Variants in PRICKLE2 observed in about 807,000 individuals in gnomAD.
PRICKLE2 encodes the protein prickle planar cell polarity protein 2.
In PRICKLE2, 21 loss-of-function variants were observed where a neutral mutation model predicts 81.4. That is an observed-to-expected ratio of 0.26 (90% CI 0.18 to 0.37). The LOEUF (loss-of-function observed/expected upper bound fraction) is 0.37. PRICKLE2 is among the 10% of genes least tolerant of loss of function. The pLI is 1.00. For missense variants in PRICKLE2, 940 were observed against 1,109.0 expected, an observed-to-expected ratio of 0.85 and a Z score of 2.16; for synonymous variants, 456 against 421.5, an observed-to-expected ratio of 1.08 and a Z score of -1.00.
chr3:64,227,186 T>A (rs1448267883), upstream of PRICKLE2, among the ~76,000 whole-genome samples: 1 of 152,192 alleles, frequency 6.6e-6, no homozygotes, highest in African/African-American at 2.4e-5. Context: ...AACTTCTCAG[T>A]AAGAGAAATA....
chr3:64,169,976 G>A (rs1191050147), intron 2 of PRICKLE2, among the ~76,000 whole-genome samples: 1 of 152,154 alleles, frequency 6.6e-6, no homozygotes, highest in African/African-American at 2.4e-5. Context: ...TAGCATTACA[G>A]CTGTGAGTAA....
chr3:64,265,897 T>G (rs1459727220), intron 2 of PRICKLE2, among the ~76,000 whole-genome samples: 1 of 152,198 alleles, frequency 6.6e-6, no homozygotes, highest in Non-Finnish European at 1.5e-5. Flanking sequence ...GGAAGTGGGC[T>G]CGATAAAACT....
intron 7 of PRICKLE2, among the ~76,000 whole-genome samples, chr3:64,111,334 A>AT (rs1331946924): frequency 6.6e-6 from 1 of 152,248 alleles, no homozygotes; most frequent in African/African-American, 2.4e-5. Context: ...ATTGCTGGGC[A>AT]TTGTTATACA....
chr3:64,204,212 T>C (rs77672856), intron 1 of PRICKLE2, among the ~76,000 whole-genome samples: 3,481 of 152,084 alleles, frequency 0.023, 50 homozygotes, highest in Non-Finnish European at 0.034. Flanking sequence ...CAAGTGCTAC[T>C]GAAAACCAGA....
Position 64,198,775 on chromosome 3 carries a change from G to C in PRICKLE2, c.144+9C>G, listed in dbSNP as rs1251238710. ...CAAACCACCAGCATGCTCCCATCCAGAATGGTACCTGTTCAGGCTTCAGAC... is the reference window on the plus strand; with the variant it reads ...CAAACCACCAGCATGCTCCCATCCACAATGGTACCTGTTCAGGCTTCAGAC... On this transcript the variant is annotated intron_variant, in intron 2 of 7. Coordinates refer to ENST00000638394, the MANE Select transcript of PRICKLE2 (RefSeq NM_198859.4). 1 of 1,613,950 alleles carries C rather than the reference G, an allele frequency of 6.2e-7. No homozygotes were observed. The highest frequency in any genetic ancestry group is 1.7e-5 in the Admixed American group (1 of 60,014).
In PRICKLE2 at chr3:64,097,087, G is replaced by A. The variant is rs886058790; in HGVS notation, c.*1964C>T. The stretch of plus-strand genomic sequence containing the variant: ...AATAGAGTTAATTCTCCGGAGGCTC[G>A]GATAATTAATGAAGCATTTAGATAT... On this transcript the variant is annotated 3_prime_UTR_variant, in exon 8 of 8. Coordinates refer to ENST00000638394, the MANE Select transcript of PRICKLE2 (RefSeq NM_198859.4). 2 of 152,416 alleles carry A rather than the reference G, an allele frequency of 1.3e-5. No individual in the cohort carries two copies. The highest frequency in any genetic ancestry group is 2.4e-5 in the African/African-American group (1 of 41,358). The allele number at this position is 152,416 out of a possible 1,614,324, so 9.4% of individuals were successfully genotyped here. A position where few individuals can be genotyped will look rare whatever the true frequency, so the allele number is the denominator to read the frequency against.
chr3:64,267,448 G>C (rs899278660), intron 2 of PRICKLE2, among the ~76,000 whole-genome samples: 1 of 151,864 alleles, frequency 6.6e-6, no homozygotes, highest in Admixed American at 6.6e-5. Flanking sequence ...GAAGAAGTAA[G>C]TCATGTTTTA....
chr3:64,265,373 T>C (rs2079685183), intron 2 of PRICKLE2, among the ~76,000 whole-genome samples: 3 of 152,114 alleles, frequency 2.0e-5, no homozygotes. Context: ...CTAAAAAAAA[T>C]CATTCCCTCT....
intron 2 of PRICKLE2, among the ~76,000 whole-genome samples, chr3:64,196,908 G>A (rs900641043): frequency 2.0e-5 from 3 of 152,120 alleles, no homozygotes; most frequent in Non-Finnish European, 2.9e-5. Flanking sequence ...AAAATTTCAA[G>A]ACATAAACTT....
In PRICKLE2 at chr3:64,147,409, T is replaced by A; in HGVS notation, c.1081A>T (p.Ser361Cys). The change falls in exon 7 of 8, where the codon AGT (serine) becomes TGT (cysteine). Residue 361 changes from serine to cysteine, a missense_variant. Physicochemically the swap from Ser to Cys is moderately radical, Grantham distance 112 (BLOSUM62 -1). Coordinates refer to ENST00000638394, the MANE Select transcript of PRICKLE2 (RefSeq NM_198859.4). The surrounding 1 kb of genome is among the most constrained non-coding windows in gnomAD (Gnocchi z 5.0). ...ACGTCGGCTGACAGCCGGTTAGAACTCACTTGCAGCTGGCTGTGCTGGTTC... is the reference window on the plus strand; with the variant it reads ...ACGTCGGCTGACAGCCGGTTAGAACACACTTGCAGCTGGCTGTGCTGGTTC... ...MLNQHSQLQV[S>C]SNRLSADVDP... The A allele has an allele frequency of 6.2e-7, 1 of 1,614,250 alleles. No homozygotes were observed. The highest frequency in any genetic ancestry group is 1.1e-5 in the South Asian group (1 of 91,082).
intron 2 of PRICKLE2, chr3:64,267,786 C>A (rs2079733069): frequency 6.6e-6 from 1 of 152,230 alleles, no homozygotes; most frequent in Non-Finnish European, 1.5e-5. Context: ...GCATCTCTCC[C>A]AGAGCTTAGT....
chr3:64,121,066 G>A (rs1411079302), intron 7 of PRICKLE2, among the ~76,000 whole-genome samples: 3 of 152,148 alleles, frequency 2.0e-5, no homozygotes, highest in African/African-American at 4.8e-5. Flanking sequence ...CTGAGGCAAC[G>A]TGGGTTTGGC....
At chr3:64,129,240 T>C (rs1479283578) in intron 7 of PRICKLE2, among the ~76,000 whole-genome samples, 4 of 152,250 alleles carry the variant, frequency 2.6e-5, no homozygotes, top group African/African-American at 9.6e-5. Flanking sequence ...TAATCTGTGA[T>C]CCTGAACATG....
At chr3:64,143,623 T>C (rs1267397039) in intron 7 of PRICKLE2, among the ~76,000 whole-genome samples, 1 of 152,042 alleles carries the variant, frequency 6.6e-6, no homozygotes, top group African/African-American at 2.4e-5. Context: ...CCTCAGACAA[T>C]GGTGCACATC....
At chr3:64,122,537 T>C (rs1460087003) in intron 7 of PRICKLE2, among the ~76,000 whole-genome samples, 1 of 152,186 alleles carries the variant, frequency 6.6e-6, no homozygotes, top group Admixed American at 6.5e-5. Flanking sequence ...TTTGAAGTCA[T>C]GTGGGTGTGA....
chr3:64,147,376 G>A lies in PRICKLE2; in HGVS notation c.1114C>T (p.Leu372=). 3 of 1,614,226 alleles carry A rather than the reference G, an allele frequency of 1.9e-6. No individual in the cohort carries two copies. Among genetic ancestry groups the A allele is most frequent in the Middle Eastern group, 1.6e-4 (1 of 6,062 alleles). ...SNRLSADVDP[L]SLQMDMLSLS... ...CTGAGCATGTCCATCTGCAGTGACA[G>A]GGGGTCTACGTCGGCTGACAGCCGG... The change falls in exon 7 of 8, where the codon CTG becomes TTG. Residue 372 remains leucine, a synonymous_variant. Coordinates refer to ENST00000638394, the MANE Select transcript of PRICKLE2 (RefSeq NM_198859.4). The surrounding 1 kb of genome is among the most constrained non-coding windows in gnomAD (Gnocchi z 5.0).
chr3:64,212,847 A>C (rs1158402331), intron 1 of PRICKLE2, among the ~76,000 whole-genome samples: 1 of 152,228 alleles, frequency 6.6e-6, no homozygotes, highest in Non-Finnish European at 1.5e-5. Context: ...TGTTCTCTAG[A>C]AGTCAACCTA....
chr3:64,163,530 G>A, intron 2 of PRICKLE2: 1 of 283,400 alleles, frequency 3.5e-6, no homozygotes, highest in Non-Finnish European at 6.9e-6. Context: ...GTCAGCACCT[G>A]CCTCGGCAAT....
At position 64,198,806 on chromosome 3, in the gene PRICKLE2, G is replaced by A. The variant is rs2078512215; in HGVS notation, c.122C>T (p.Pro41Leu). The A allele has an allele frequency of 6.2e-7, 1 of 1,614,000 alleles. No homozygotes were observed. The highest frequency in any genetic ancestry group is 8.5e-7 in the Non-Finnish European group (1 of 1,179,986). Residue 41 changes from proline (P) to leucine (L), a missense_variant, in exon 2 of 8, where the codon CCG becomes CTG. This residue lies in a region of PRICKLE2 where 270 missense variants were observed against 391.8 expected (regional missense o/e 0.69). Coordinates refer to ENST00000638394, the MANE Select transcript of PRICKLE2 (RefSeq NM_198859.4). ...TACCTGTTCAGGCTTCAGACCCGGC[G>A]GGACCCAGGCATACTCTTCCAAAGC... is the stretch of plus-strand genomic sequence containing the variant. ...GCALEEYAWV[P>L]PGLKPEQVHQ... is the part of the protein sequence containing the mutation.
Sources: allele counts gnomAD v4.1 joint callset (sites outside exome capture counted in the v4.1 genomes callset), GRCh38; gene constraint gnomAD v4.1.1; regional missense constraint gnomAD v4.1.1; non-coding constraint Gnocchi (gnomAD v3.1); transcripts MANE v1.5; gene names NCBI Gene and HGNC (gene_info 2026-07-23, HGNC 2026-07-21).